Variants in SEMA6D observed in about 807,000 individuals in gnomAD.
SEMA6D encodes semaphorin-6D.
SEMA6D carries 35 observed loss-of-function variants against 106.6 expected under a neutral mutation model. The observed-to-expected ratio is 0.33, with a 90% confidence interval of 0.25 to 0.44. The LOEUF is 0.44. SEMA6D is among the 20% of genes least tolerant of loss of function. The pLI, the probability that SEMA6D is intolerant of heterozygous loss-of-function variation, is 1.00. For missense variants in SEMA6D, 1,185 were observed against 1,345.9 expected, an observed-to-expected ratio of 0.88 and a Z score of 1.87; for synonymous variants, 499 against 487.7, an observed-to-expected ratio of 1.02 and a Z score of -0.31.
intron 1 of SEMA6D, among the ~76,000 whole-genome samples, chr15:47,194,610 C>T (rs935636866): frequency 3.3e-5 from 5 of 152,134 alleles, no homozygotes; most frequent in African/African-American, 1.2e-4. Flanking sequence ...TCAGTAGGGC[C>T]TTGCACACAT....
chr15:47,565,848 A>G (rs1296620572), intron 3 of SEMA6D, among the ~76,000 whole-genome samples: 2 of 152,170 alleles, frequency 1.3e-5, no homozygotes, highest in Non-Finnish European at 1.5e-5. Context: ...TCATCACTGC[A>G]TGTGAGTTTG....
chr15:47,247,634 G>A (rs2033279494), intron 1 of SEMA6D, among the ~76,000 whole-genome samples: 1 of 152,086 alleles, frequency 6.6e-6, no homozygotes, highest in Non-Finnish European at 1.5e-5. Flanking sequence ...CTATCTATCT[G>A]TCTTCTATAA....
chr15:47,473,666 C>A (rs747748298), intron 3 of SEMA6D, among the ~76,000 whole-genome samples: 11 of 152,122 alleles, frequency 7.2e-5, no homozygotes, highest in Admixed American at 3.9e-4. Context: ...TAAAATAAAA[C>A]TAATGAAATA....
intron 1 of SEMA6D, among the ~76,000 whole-genome samples, chr15:47,209,211 T>C (rs1191258495): frequency 2.6e-5 from 4 of 152,168 alleles, no homozygotes; most frequent in Non-Finnish European, 5.9e-5. Context: ...TCCATGATAA[T>C]AAAAGATTGA....
intron 1 of SEMA6D, among the ~76,000 whole-genome samples, chr15:47,394,310 AAAAAG>A (rs1222204173): frequency 1.3e-5 from 2 of 152,230 alleles, no homozygotes; most frequent in African/African-American, 2.4e-5. Flanking sequence ...TGGTTTACAA[AAAAAG>A]AAAAGAAAAA....
intron 4 of SEMA6D, among the ~76,000 whole-genome samples, chr15:47,622,947 G>A (rs997861856): frequency 6.6e-6 from 1 of 152,078 alleles, no homozygotes; most frequent in African/African-American, 2.4e-5. Flanking sequence ...ACACAAGCTG[G>A]GGAAAGAGTG....
In SEMA6D at chr15:47,759,907, T is replaced by G; in HGVS notation, c.109T>G (p.Tyr37Asp). 1 of 1,601,216 alleles carries G rather than the reference T, an allele frequency of 6.2e-7. No homozygotes were observed. Among genetic ancestry groups the G allele is most frequent in the Non-Finnish European group, 8.6e-7 (1 of 1,168,388 alleles). Residue 37 changes from tyrosine to aspartate, a missense_variant and splice_region_variant, in exon 2 of 19, where the codon TAT becomes GAT. Coordinates refer to ENST00000536845, the MANE Select transcript of SEMA6D (RefSeq NM_001358351.3). Reference protein sequence around the residue: ...DEPLNTVDYHYSRQYPVFRGR... With the variant: ...DEPLNTVDYHDSRQYPVFRGR... Reference sequence around the variant, plus strand: ...ACCCCTTAATACTGTCGACTATCACTGTAAGTCGTCTCAAGAACAGTCTTC... The same window carrying G: ...ACCCCTTAATACTGTCGACTATCACGGTAAGTCGTCTCAAGAACAGTCTTC...
intron 3 of SEMA6D, among the ~76,000 whole-genome samples, chr15:47,548,985 G>T (rs1384118574): frequency 4.4e-5 from 5 of 114,010 alleles, no homozygotes; most frequent in African/African-American, 1.7e-4. Flanking sequence ...AGGCATCCAG[G>T]CTTCTTAAGC....
intron 3 of SEMA6D, among the ~76,000 whole-genome samples, chr15:47,477,856 A>C (rs1290309878): frequency 2.7e-5 from 4 of 149,788 alleles, no homozygotes; most frequent in Non-Finnish European, 3.0e-5. Context: ...TAAAGAGAAT[A>C]TTGGCTTAGT....
chr15:47,286,685 G>T (rs2035377248), intron 1 of SEMA6D, among the ~76,000 whole-genome samples: 1 of 152,250 alleles, frequency 6.6e-6, no homozygotes, highest in South Asian at 2.1e-4. Context: ...TTGGAAAAGG[G>T]AAGACTTCAT....
intron 1 of SEMA6D, among the ~76,000 whole-genome samples, chr15:47,364,271 G>A (rs970388869): frequency 6.6e-6 from 1 of 152,162 alleles, no homozygotes; most frequent in Non-Finnish European, 1.5e-5. Context: ...TCATGCCTTT[G>A]AAGCTGCAGG....
In SEMA6D at chr15:47,611,026, C is replaced by T. The variant is rs538061164; in HGVS notation, c.-55+10130C>T. On this transcript the variant is annotated intron_variant, in intron 4 of 19. Transcript: ENST00000558014. The stretch of plus-strand genomic sequence containing the variant: ...AATGACTGAGGCTTTATCGTCATTC[C>T]TAATGTAGGCAGCACCTAGTGGTGA... Among the ~76,000 whole-genome samples the T allele has an allele frequency of 3.9e-5, 6 of 152,228 alleles. No homozygotes were observed. In the East Asian group the frequency reaches 5.8e-4, roughly 15 times the overall value.
intron 2 of SEMA6D, among the ~76,000 whole-genome samples, chr15:47,428,026 G>A (rs1166303392): frequency 6.6e-6 from 1 of 152,004 alleles, no homozygotes; most frequent in East Asian, 1.9e-4. Flanking sequence ...TAGCTCACCA[G>A]AAAATGTGCA....
intron 4 of SEMA6D, among the ~76,000 whole-genome samples, chr15:47,627,091 G>A (rs757423261): frequency 9.2e-5 from 14 of 152,152 alleles, no homozygotes; most frequent in Non-Finnish European, 1.8e-4. Flanking sequence ...TACAAGAATG[G>A]TAATTAGTGG....
intron 2 of SEMA6D, among the ~76,000 whole-genome samples, chr15:47,430,301 C>T (rs1240587373): frequency 6.6e-6 from 1 of 151,984 alleles, no homozygotes; most frequent in Non-Finnish European, 1.5e-5. Context: ...GAGGGAAACA[C>T]TCCTGTTTTT....
intron 4 of SEMA6D, among the ~76,000 whole-genome samples, chr15:47,630,855 G>C (rs928822585): frequency 6.6e-6 from 1 of 151,746 alleles, no homozygotes; most frequent in African/African-American, 2.4e-5. Flanking sequence ...TGATATGATC[G>C]TGTGATTTTT....
At chr15:47,732,871 A>G (rs2080213126) in intron 1 of SEMA6D, among the ~76,000 whole-genome samples, 3 of 152,190 alleles carry the variant, frequency 2.0e-5, no homozygotes, top group Non-Finnish European at 4.4e-5. Flanking sequence ...CTCTTTCACT[A>G]TACTTCCATA....
At chr15:47,475,973 A>G (rs889483632) in intron 3 of SEMA6D, among the ~76,000 whole-genome samples, 1 of 152,154 alleles carries the variant, frequency 6.6e-6, no homozygotes. Context: ...GAGGGCCTAT[A>G]GTGGGAAGTT....
chr15:47,560,018 A>G (rs919754441), intron 3 of SEMA6D, among the ~76,000 whole-genome samples: 5 of 152,156 alleles, frequency 3.3e-5, no homozygotes, highest in African/African-American at 9.6e-5. Flanking sequence ...ATCAGCAGCT[A>G]TAGTTTACCA....
Sources: allele counts gnomAD v4.1 joint callset (sites outside exome capture counted in the v4.1 genomes callset), GRCh38; gene constraint gnomAD v4.1.1; transcripts MANE v1.5; gene names NCBI Gene and HGNC (gene_info 2026-07-23, HGNC 2026-07-21).